Variants in CDH13 observed in about 807,000 individuals in gnomAD.
The protein encoded by CDH13 is cadherin 13.
Under a neutral mutation model 63.8 loss-of-function variants are expected in CDH13, and 24 were observed. The ratio of observed to expected loss-of-function variants is 0.38; its 90% CI spans 0.27 to 0.53. CDH13 has a LOEUF of 0.53. Ranked by LOEUF, CDH13 falls within the 20% of genes least tolerant of loss-of-function variation. The probability of loss-of-function intolerance (pLI) is 0.85; values close to 1 mark genes in which losing one functional copy is unlikely to be tolerated. For missense variants in CDH13, 1,049 were observed against 903.1 expected (o/e 1.16, Z -2.07); for synonymous variants, 503 against 355.3 (o/e 1.42, Z -4.67).
intron 6 of CDH13, among the ~76,000 whole-genome samples, chr16:83,481,826 G>C (rs1598120463): frequency 6.6e-6 from 1 of 152,300 alleles, no homozygotes; most frequent in Non-Finnish European, 1.5e-5. Flanking sequence ...ATGCGTGTCT[G>C]TCATATAATT....
chr16:83,126,317 C>T (rs113923124), intron 4 of CDH13, among the ~76,000 whole-genome samples: 7 of 152,262 alleles, frequency 4.6e-5, no homozygotes, highest in African/African-American at 1.7e-4. Flanking sequence ...TGTGTCCTGT[C>T]CCCATTGGCT....
chr16:83,238,866 C>T (rs986883964), intron 5 of CDH13, among the ~76,000 whole-genome samples: 1 of 152,190 alleles, frequency 6.6e-6, no homozygotes, highest in African/African-American at 2.4e-5. Flanking sequence ...AAGGGCAAGA[C>T]AGTCTTCTTC....
At chr16:82,946,498 T>C (rs1023465639) in intron 2 of CDH13, among the ~76,000 whole-genome samples, 2 of 152,158 alleles carry the variant, frequency 1.3e-5, no homozygotes, top group Non-Finnish European at 2.9e-5. Context: ...GGCAGGCAGA[T>C]CACTTGAGGC....
chr16:83,702,869 G>A (rs535579901), intron 10 of CDH13, among the ~76,000 whole-genome samples: 4 of 152,196 alleles, frequency 2.6e-5, no homozygotes, highest in African/African-American at 9.7e-5. Flanking sequence ...ATTTGCTTGG[G>A]CTGCACACAT....
At chr16:83,393,343 G>A (rs2091824402) in intron 6 of CDH13, among the ~76,000 whole-genome samples, 1 of 152,190 alleles carries the variant, frequency 6.6e-6, no homozygotes, top group Non-Finnish European at 1.5e-5. Flanking sequence ...TTACTGCAGA[G>A]GGACATTTCT....
At chr16:82,879,908 A>G (rs1324307682) in intron 2 of CDH13, among the ~76,000 whole-genome samples, 2 of 142,016 alleles carry the variant, frequency 1.4e-5, no homozygotes, top group African/African-American at 5.1e-5. Context: ...AATATATATT[A>G]TATATTTAGA....
At chr16:83,165,760 T>C (rs2037637410) in intron 4 of CDH13, among the ~76,000 whole-genome samples, 1 of 152,024 alleles carries the variant, frequency 6.6e-6, no homozygotes, top group South Asian at 2.1e-4. Flanking sequence ...AAAATAGAAA[T>C]TAGAGACCTA....
At chr16:83,237,024 A>G (rs967776303) in intron 5 of CDH13, among the ~76,000 whole-genome samples, 1 of 152,180 alleles carries the variant, frequency 6.6e-6, no homozygotes, top group Admixed American at 6.5e-5. Context: ...AGGAAAACCC[A>G]GGTGTGAGGA....
intron 1 of CDH13, among the ~76,000 whole-genome samples, chr16:82,853,889 T>G (rs1465677915): frequency 6.6e-6 from 1 of 152,186 alleles, no homozygotes; most frequent in Non-Finnish European, 1.5e-5. Flanking sequence ...TGGGGAAAAC[T>G]ATGTCCAGGT....
intron 4 of CDH13, among the ~76,000 whole-genome samples, chr16:83,147,933 CATT>C (rs1177697116): frequency 6.6e-6 from 1 of 152,070 alleles, no homozygotes; most frequent in Non-Finnish European, 1.5e-5. Context: ...CTCACTGAGG[CATT>C]ACTGTTCTTG....
intron 2 of CDH13, among the ~76,000 whole-genome samples, chr16:82,987,900 A>G (rs1001005794): frequency 1.3e-5 from 2 of 152,180 alleles, no homozygotes; most frequent in African/African-American, 4.8e-5. Context: ...TGGATCTAGC[A>G]CAGAGAGGTC....
chr16:83,216,427 T>TATATATATAAAA lies in CDH13; in HGVS notation c.484-909_484-908insAAAATATATATA, dbSNP rs1555513893. ...ATATATATATATATATATATATATA[T>TATATATATAAAA]ATATATATATATATATACACAACCC... On this transcript the variant is annotated intron_variant, in intron 4 of 13. Transcript: ENST00000567109. Among the ~76,000 whole-genome samples, 16 of 45,070 alleles carry TATATATATAAAA rather than the reference T, an allele frequency of 3.6e-4. 1 individual carries two copies. Among genetic ancestry groups the TATATATATAAAA allele is most frequent in the East Asian group, 3.4e-3 (4 of 1,180 alleles). The allele number at this position is 45,070 out of a possible 152,430, so 29.6% of individuals were successfully genotyped here.
intron 7 of CDH13, among the ~76,000 whole-genome samples, chr16:83,580,956 C>G (rs966623242): frequency 1.3e-5 from 2 of 152,166 alleles, no homozygotes; most frequent in African/African-American, 2.4e-5. Context: ...TAACAGATCT[C>G]TATTTGTGGG....
chr16:83,255,692 C>G (rs925320940), intron 5 of CDH13, among the ~76,000 whole-genome samples: 2 of 152,124 alleles, frequency 1.3e-5, no homozygotes, highest in African/African-American at 4.8e-5. Context: ...TCTAGGGTGA[C>G]TTTTATTATG....
At chr16:83,054,276 G>C (rs1245447079) in intron 3 of CDH13, among the ~76,000 whole-genome samples, 5 of 152,108 alleles carry the variant, frequency 3.3e-5, no homozygotes, top group East Asian at 1.9e-4. Context: ...ATATGACAAA[G>C]TTTAATTTAT....
intron 7 of CDH13, among the ~76,000 whole-genome samples, chr16:83,552,621 T>C (rs1390848075): frequency 2.6e-5 from 4 of 152,232 alleles, no homozygotes; most frequent in Non-Finnish European, 4.4e-5. Context: ...GCTGCCTAAT[T>C]ATCTGTAATT....
chr16:83,728,376 T>G lies in CDH13; in HGVS notation c.1539-19732T>G, dbSNP rs575916939. Among the ~76,000 whole-genome samples, 5 of 136,568 alleles carry G rather than the reference T, an allele frequency of 3.7e-5. No homozygotes were observed. The Admixed American group carries it at 3.9e-4, about 11-fold the overall frequency. The allele number at this position is 136,568 out of a possible 152,430, so 89.6% of individuals were successfully genotyped here. On this transcript the variant is annotated intron_variant, in intron 10 of 13. Coordinates refer to ENST00000567109, the MANE Select transcript of CDH13 (RefSeq NM_001257.5). ...GTGTGTGTGTGTTGTGAAGATACATTTAGTTTGAGTCCCTATGAAACGAGG... is the reference window on the plus strand; with the variant it reads ...GTGTGTGTGTGTTGTGAAGATACATGTAGTTTGAGTCCCTATGAAACGAGG...
At chr16:83,322,783 A>G (rs569524851) in intron 5 of CDH13, among the ~76,000 whole-genome samples, 9 of 152,282 alleles carry the variant, frequency 5.9e-5, no homozygotes, top group Non-Finnish European at 1.2e-4. Flanking sequence ...TGTCAGGACC[A>G]TCTCCTACTT....
chr16:83,153,706 C>A (rs2037086556), intron 4 of CDH13, among the ~76,000 whole-genome samples: 1 of 152,150 alleles, frequency 6.6e-6, no homozygotes, highest in South Asian at 2.1e-4. Flanking sequence ...ACAACAGATT[C>A]TCCCTTAGAG....
Sources: allele counts gnomAD v4.1 joint callset (sites outside exome capture counted in the v4.1 genomes callset), GRCh38; gene constraint gnomAD v4.1.1; transcripts MANE v1.5; gene names NCBI Gene and HGNC (gene_info 2026-07-23, HGNC 2026-07-21).